Variants in DCLK2 observed in about 807,000 individuals in gnomAD.
DCLK2 encodes the protein doublecortin like kinase 2.
In DCLK2, 31 loss-of-function variants were observed where a neutral mutation model predicts 78.4. The observed-to-expected ratio is 0.40, with a 90% confidence interval of 0.30 to 0.53. The LOEUF (loss-of-function observed/expected upper bound fraction) is 0.53, where lower values mean the gene tolerates loss of function less well. Ranked by LOEUF, DCLK2 falls within the 20% of genes least tolerant of loss-of-function variation. The probability of loss-of-function intolerance (pLI) is 0.61; values close to 1 mark genes in which losing one functional copy is unlikely to be tolerated. For synonymous variants in DCLK2, 407 were observed against 374.9 expected, an observed-to-expected ratio of 1.09 and a Z score of -0.99; for missense variants, 872 against 973.7, an observed-to-expected ratio of 0.90 and a Z score of 1.39.
At chr4:150,108,227 G>A (rs189507152) in intron 2 of DCLK2, among the ~76,000 whole-genome samples, 35 of 152,058 alleles carry the variant, frequency 2.3e-4, no homozygotes, top group African/African-American at 8.0e-4. Context: ...AAACCTTCTT[G>A]GCCGGGCGCA....
intron 2 of DCLK2, among the ~76,000 whole-genome samples, chr4:150,179,601 A>G (rs1488327015): frequency 6.6e-6 from 1 of 152,142 alleles, no homozygotes. Context: ...GACTAATCTT[A>G]TTTTTATGTA....
intron 2 of DCLK2, among the ~76,000 whole-genome samples, chr4:150,170,993 A>AT (rs1580640958): frequency 6.6e-6 from 1 of 152,214 alleles, no homozygotes; most frequent in African/African-American, 2.4e-5. Flanking sequence ...CAGTGGCCAG[A>AT]TTCACAATGC....
intron 5 of DCLK2, among the ~76,000 whole-genome samples, chr4:150,217,879 T>G (rs1223484078): frequency 2.0e-5 from 3 of 152,240 alleles, no homozygotes; most frequent in Non-Finnish European, 4.4e-5. Context: ...TTTTAATGCT[T>G]GAGGCTTAAC....
chr4:150,090,037 C>T (rs1187371997), intron 1 of DCLK2, among the ~76,000 whole-genome samples: 4 of 152,194 alleles, frequency 2.6e-5, no homozygotes, highest in Admixed American at 6.5e-5. Flanking sequence ...AGCCAAAAGA[C>T]TGTTAACTTA....
chr4:150,101,109 G>A (rs9968351), intron 1 of DCLK2, among the ~76,000 whole-genome samples: 21,944 of 152,024 alleles, frequency 0.14, 1,970 homozygotes, highest in Non-Finnish European at 0.21. Context: ...CAAAAATTTA[G>A]CCAGGCATAG....
intron 8 of DCLK2, 144 bp downstream of exon 8, chr4:150,224,702 C>T (rs933115365): frequency 2.0e-5 from 11 of 553,274 alleles, no homozygotes; most frequent in African/African-American, 1.4e-4. Context: ...AACAGTTAAG[C>T]GGTTTTATTC....
chr4:150,095,865 G>A (rs1730422376), intron 1 of DCLK2, among the ~76,000 whole-genome samples: 1 of 152,186 alleles, frequency 6.6e-6, no homozygotes, highest in East Asian at 1.9e-4. Context: ...CGGCGTATAA[G>A]AAGGAATGAG....
At chr4:150,193,015 A>G in intron 2 of DCLK2, 123 bp from the exon 3 acceptor site, 1 of 618,578 alleles carries the variant, frequency 1.6e-6, no homozygotes, top group African/African-American at 1.8e-5. Flanking sequence ...ACGTAGTTAT[A>G]TTACACAGCT....
intron 5 of DCLK2, among the ~76,000 whole-genome samples, chr4:150,219,855 AGGGGG>A (rs1741042091): frequency 1.3e-5 from 2 of 152,232 alleles, no homozygotes; most frequent in Admixed American, 1.3e-4. Context: ...ACAAGTAGGT[AGGGGG>A]ACAGATCATG....
At chr4:150,199,205 G>A in intron 4 of DCLK2, 2 of 837,134 alleles carry the variant, frequency 2.4e-6, no homozygotes, top group Admixed American at 2.1e-5. Context: ...CATCTGTGTG[G>A]TATGAAATGC....
chr4:150,079,298 A>G lies in DCLK2; in HGVS notation c.271A>G (p.Ile91Val). The G allele has an allele frequency of 6.3e-7, 1 of 1,597,514 alleles. No homozygotes were observed. Among genetic ancestry groups the G allele is most frequent in the Middle Eastern group, 1.7e-4 (1 of 6,048 alleles). ...CTACTTCAAGGGCCTGGTGTTTGCC[A>G]TCTCCAGCGACCGCTTCCGGTCCTT... is the stretch of plus-strand genomic sequence containing the variant. ...DRYFKGLVFA[I>V]SSDRFRSFDA... The change falls in exon 1 of 16, where the codon ATC becomes GTC. Residue 91 changes from isoleucine to valine, a missense_variant. This residue lies in a region of DCLK2 where 567 missense variants were observed against 593.4 expected (regional missense o/e 0.96). Transcript: ENST00000296550.
chr4:150,155,046 C>T (rs994355361), intron 2 of DCLK2, among the ~76,000 whole-genome samples: 4 of 152,008 alleles, frequency 2.6e-5, no homozygotes. Context: ...GCTTGGGCAA[C>T]ATGTAGAAAC....
chr4:150,101,032 C>A (rs113517274), intron 1 of DCLK2, among the ~76,000 whole-genome samples: 1 of 152,026 alleles, frequency 6.6e-6, no homozygotes, highest in Non-Finnish European at 1.5e-5. Flanking sequence ...GTGGGTGACT[C>A]GCTTGAACAC....
At chr4:150,096,617 G>C (rs1161984290) in intron 1 of DCLK2, among the ~76,000 whole-genome samples, 3 of 152,192 alleles carry the variant, frequency 2.0e-5, no homozygotes, top group Admixed American at 6.5e-5. Flanking sequence ...GATCATAGAT[G>C]CTAGGGAAAA....
intron 3 of DCLK2, among the ~76,000 whole-genome samples, chr4:150,193,737 T>A (rs1412036611): frequency 6.6e-6 from 1 of 152,162 alleles, no homozygotes; most frequent in African/African-American, 2.4e-5. Flanking sequence ...CACTGGGTTT[T>A]TTTTGGTAGC....
chr4:150,079,901 A>G (rs1386201846), intron 1 of DCLK2, among the ~76,000 whole-genome samples: 1 of 152,100 alleles, frequency 6.6e-6, no homozygotes, highest in East Asian at 1.9e-4. Flanking sequence ...TGGTTGTGAA[A>G]TGCTCTAGGT....
At chr4:150,179,748 A>G (rs1290964043) in intron 2 of DCLK2, among the ~76,000 whole-genome samples, 1 of 152,224 alleles carries the variant, frequency 6.6e-6, no homozygotes, top group African/African-American at 2.4e-5. Flanking sequence ...CTGTTATGCC[A>G]TTGAAAGTAA....
intron 2 of DCLK2, among the ~76,000 whole-genome samples, chr4:150,148,539 A>G (rs907253369): frequency 1.3e-5 from 2 of 152,168 alleles, no homozygotes; most frequent in African/African-American, 4.8e-5. Flanking sequence ...AGCTAGGAGT[A>G]CAGATGCATA....
chr4:150,095,079 A>C (rs1475372786), intron 1 of DCLK2, among the ~76,000 whole-genome samples: 1 of 152,238 alleles, frequency 6.6e-6, no homozygotes, highest in Non-Finnish European at 1.5e-5. Context: ...TCAGTACAAA[A>C]AGAGTGAGGA....
Sources: gnomAD v4.1 joint callset for allele counts (sites outside exome capture counted in the v4.1 genomes callset) on GRCh38, gnomAD v4.1.1 for gene constraint, gnomAD v4.1.1 regional missense constraint, MANE v1.5 for transcripts, NCBI Gene and HGNC (gene_info 2026-07-23, HGNC 2026-07-21) for gene names.